The following CWC27 variants were observed in gnomAD, a reference collection of about 807,000 sequenced individuals.
CWC27 encodes spliceosome-associated protein CWC27 homolog.
A neutral mutation model predicts 63.6 loss-of-function variants in CWC27; 47 were observed. The ratio of observed to expected loss-of-function variants is 0.74; its 90% CI spans 0.58 to 0.94. CWC27 has a LOEUF of 0.94. CWC27 is among the 40% of genes least tolerant of loss of function. The pLI is 0.00. For synonymous variants in CWC27, 175 were observed against 179.8 expected (o/e 0.97, Z 0.22); for missense variants, 495 against 554.3 (o/e 0.89, Z 1.07).
At chr5:64,940,103 G>T (rs1354932794) in intron 11 of CWC27, among the ~76,000 whole-genome samples, 3 of 152,116 alleles carry the variant, frequency 2.0e-5, no homozygotes, top group Non-Finnish European at 4.4e-5. Context: ...CCTGACTTCA[G>T]CCCCTTTTCC....
At chr5:64,937,626 G>C (rs1748383780) in intron 11 of CWC27, among the ~76,000 whole-genome samples, 1 of 152,294 alleles carries the variant, frequency 6.6e-6, no homozygotes, top group African/African-American at 2.4e-5. Context: ...GTCCAGAGCT[G>C]AGTTCAAATC....
intron 11 of CWC27, among the ~76,000 whole-genome samples, chr5:64,948,551 A>G (rs1026941776): frequency 2.0e-5 from 3 of 152,056 alleles, no homozygotes; most frequent in African/African-American, 2.4e-5. Context: ...GCACCATGCT[A>G]GACCAAGAAG....
chr5:64,814,706 A>G (rs1744978176), intron 10 of CWC27, among the ~76,000 whole-genome samples: 1 of 152,220 alleles, frequency 6.6e-6, no homozygotes, highest in Admixed American at 6.6e-5. Flanking sequence ...ATGTGTGTCC[A>G]GCTAAAGAAA....
chr5:64,795,019 T>C (rs1464587412), intron 7 of CWC27, among the ~76,000 whole-genome samples: 1 of 152,202 alleles, frequency 6.6e-6, no homozygotes, highest in Non-Finnish European at 1.5e-5. Flanking sequence ...GTAACATTTT[T>C]ACTTCAAATC....
chr5:64,816,093 C>T (rs1745020206), intron 10 of CWC27, among the ~76,000 whole-genome samples: 1 of 152,212 alleles, frequency 6.6e-6, no homozygotes, highest in South Asian at 2.1e-4. Flanking sequence ...GTTCCATTAT[C>T]CTCACATACC....
chr5:64,784,603 T>C (rs1009031205), intron 4 of CWC27, among the ~76,000 whole-genome samples: 1 of 152,194 alleles, frequency 6.6e-6, no homozygotes, highest in Non-Finnish European at 1.5e-5. Flanking sequence ...CAGCGCCCTC[T>C]GCTGGTTCAG....
chr5:64,980,475 A>G (rs1172482393), intron 13 of CWC27, among the ~76,000 whole-genome samples: 1 of 152,192 alleles, frequency 6.6e-6, no homozygotes, highest in Non-Finnish European at 1.5e-5. Context: ...TGGCATTTCT[A>G]AGGAGAGGAG....
intron 10 of CWC27, among the ~76,000 whole-genome samples, chr5:64,834,560 A>G (rs1745610163): frequency 6.6e-6 from 1 of 151,760 alleles, no homozygotes; most frequent in South Asian, 2.1e-4. Flanking sequence ...CCAAAAGGTA[A>G]TGCTCAGTAC....
At position 64,833,427 on chromosome 5, in the gene CWC27, C is replaced by A. The variant is rs139775256; in HGVS notation, c.938+29041C>A. ...GCCACCATCTGTATATAACTGGATT[C>A]TCTTATTGACCAATGCATGCTTTTG... On this transcript the variant is annotated intron_variant, in intron 10 of 13. Coordinates refer to ENST00000381070, the MANE Select transcript of CWC27 (RefSeq NM_005869.4). Among the ~76,000 whole-genome samples, 357 of 151,870 alleles carry A rather than the reference C, an allele frequency of 2.4e-3. 1 individual carries two copies. The highest frequency in any genetic ancestry group is 8.3e-3 in the African/African-American group (344 of 41,518).
chr5:64,971,615 T>G, intron 11 of CWC27, 88 bp from the exon 12 acceptor site: 9 of 1,044,330 alleles, frequency 8.6e-6, no homozygotes, highest in Non-Finnish European at 1.2e-5. Context: ...AGTGCCAACC[T>G]CCTCTTCAGC....
intron 11 of CWC27, among the ~76,000 whole-genome samples, chr5:64,920,220 C>T (rs986576805): frequency 3.3e-5 from 5 of 152,114 alleles, no homozygotes; most frequent in Non-Finnish European, 5.9e-5. Context: ...CCTTCTGCCA[C>T]GGCCTCCCAA....
chr5:64,855,079 G>A (rs1746219829), intron 10 of CWC27, among the ~76,000 whole-genome samples: 1 of 152,154 alleles, frequency 6.6e-6, no homozygotes. Flanking sequence ...CAAGTTTACA[G>A]TGAATGTGGT....
chr5:64,943,222 C>CT (rs1468037495), intron 11 of CWC27, among the ~76,000 whole-genome samples: 1 of 145,206 alleles, frequency 6.9e-6, no homozygotes, highest in Non-Finnish European at 1.5e-5. Flanking sequence ...AGATCACGGC[C>CT]CTGTGTGTGT....
At chr5:64,811,438 T>C (rs975291921) in intron 10 of CWC27, among the ~76,000 whole-genome samples, 47 of 152,114 alleles carry the variant, frequency 3.1e-4, no homozygotes, top group African/African-American at 1.1e-3. Flanking sequence ...CTATCATCTA[T>C]AATTTTATTG....
At chr5:64,963,560 A>C (rs910287948) in intron 11 of CWC27, among the ~76,000 whole-genome samples, 1 of 152,232 alleles carries the variant, frequency 6.6e-6, no homozygotes, top group East Asian at 1.9e-4. Context: ...ACTTTATACT[A>C]ATATGATACA....
intron 9 of CWC27, among the ~76,000 whole-genome samples, chr5:64,803,530 G>T (rs760495312): frequency 9.2e-5 from 14 of 152,208 alleles, no homozygotes; most frequent in South Asian, 2.1e-4. Flanking sequence ...CTGGAGGTAA[G>T]TGTGTGGTTC....
chr5:64,905,852 C>G lies in CWC27; in HGVS notation c.1042+20306C>G, dbSNP rs371019739. 1.0e-3 allele frequency among the ~76,000 whole-genome samples: 158 copies of G among 152,232 alleles called. 1 individual carries two copies. The highest frequency in any genetic ancestry group is 3.7e-3 in the African/African-American group (152 of 41,542). On this transcript the variant is annotated intron_variant, in intron 11 of 13. Transcript: ENST00000381070. ...CTGTCTCCCACCCCATGACAGGCCC[C>G]GGTGTGTGATGTTCCCCGCCCTGTG...
At chr5:64,859,352 G>T (rs545994705) in intron 10 of CWC27, among the ~76,000 whole-genome samples, 17 of 152,020 alleles carry the variant, frequency 1.1e-4, no homozygotes, top group Non-Finnish European at 2.4e-4. Flanking sequence ...TAGGAGGTTG[G>T]GTTAGACAGG....
intron 11 of CWC27, among the ~76,000 whole-genome samples, chr5:64,886,389 TAA>T (rs1446174773): frequency 6.6e-6 from 1 of 152,160 alleles, no homozygotes; most frequent in Admixed American, 6.5e-5. Context: ...TAATGTATAC[TAA>T]GTTTGATACA....
Sources: gnomAD v4.1 joint callset for allele counts (sites outside exome capture counted in the v4.1 genomes callset) on GRCh38, gnomAD v4.1.1 for gene constraint, MANE v1.5 for transcripts, NCBI Gene and HGNC (gene_info 2026-07-23, HGNC 2026-07-21) for gene names.